SNX10: variants seen among roughly 807,000 people sequenced by gnomAD.
SNX10 encodes sorting nexin 10.
In SNX10, 25 loss-of-function variants were observed where a neutral mutation model predicts 28.5. That is an observed-to-expected ratio of 0.88 (90% CI 0.64 to 1.22). The LOEUF is 1.22. Ranked by LOEUF, SNX10 falls within the 50% of genes most tolerant of loss-of-function variation. The probability of loss-of-function intolerance (pLI) is 0.00; values close to 1 mark genes in which losing one functional copy is unlikely to be tolerated. For synonymous variants in SNX10, 62 were observed against 81.4 expected (o/e 0.76, Z 1.28); for missense variants, 223 against 242.6 (o/e 0.92, Z 0.54).
In SNX10 at chr7:26,350,285, G is replaced by C. The variant is rs1303641559; in HGVS notation, c.24+3819G>C. Among the ~76,000 whole-genome samples, 3 of 152,140 alleles carry C rather than the reference G, an allele frequency of 2.0e-5. No individual in the cohort carries two copies. The East Asian group carries it at 5.8e-4, about 29-fold the overall frequency. ...GCAGGGAATATCCTGAGTAGGACAGGCCGAAGTGGGCCCCAGAGAGTTGCA... is the reference window on the plus strand; with the variant it reads ...GCAGGGAATATCCTGAGTAGGACAGCCCGAAGTGGGCCCCAGAGAGTTGCA... On this transcript the variant is annotated intron_variant, in intron 2 of 6. Coordinates refer to ENST00000338523, the MANE Select transcript of SNX10 (RefSeq NM_013322.3).
intron 1 of SNX10, among the ~76,000 whole-genome samples, chr7:26,297,831 G>T (rs1000235413): frequency 6.6e-6 from 1 of 152,002 alleles, no homozygotes; most frequent in Non-Finnish European, 1.5e-5. Flanking sequence ...GTTGCTTTAT[G>T]TGCCTTAGTA....
intron 1 of SNX10, among the ~76,000 whole-genome samples, chr7:26,326,378 C>G (rs1787503969): frequency 6.6e-6 from 1 of 152,204 alleles, no homozygotes; most frequent in African/African-American, 2.4e-5. Flanking sequence ...TATCATTTCT[C>G]TAGAGCCTCA....
chr7:26,341,096 G>A (rs1788159965), intron 1 of SNX10, among the ~76,000 whole-genome samples: 1 of 152,140 alleles, frequency 6.6e-6, no homozygotes, highest in African/African-American at 2.4e-5. Flanking sequence ...CCAGGAGTTC[G>A]AGACCAGCCT....
chr7:26,345,399 C>T (rs1014727221), intron 1 of SNX10, among the ~76,000 whole-genome samples: 10 of 152,294 alleles, frequency 6.6e-5, no homozygotes, highest in African/African-American at 2.4e-4. Flanking sequence ...CCCTGCTCTC[C>T]CATTCCCTCT....
At chr7:26,332,578 C>A (rs1787787320) in intron 1 of SNX10, among the ~76,000 whole-genome samples, 1 of 152,222 alleles carries the variant, frequency 6.6e-6, no homozygotes, top group South Asian at 2.1e-4. Context: ...TTTATGAAGC[C>A]TAATTTACCT....
chr7:26,338,526 C>T (rs1326412789), intron 1 of SNX10, among the ~76,000 whole-genome samples: 2 of 152,106 alleles, frequency 1.3e-5, no homozygotes, highest in Non-Finnish European at 2.9e-5. Context: ...GTCAGCCTCC[C>T]GAGTAGCTGG....
At chr7:26,367,314 C>T (rs981563256) in intron 5 of SNX10, among the ~76,000 whole-genome samples, 3 of 152,160 alleles carry the variant, frequency 2.0e-5, no homozygotes, top group African/African-American at 7.2e-5. Flanking sequence ...AGGGGGAGCA[C>T]TGTGTACACA....
chr7:26,307,680 CT>C (rs34096499), intron 1 of SNX10, among the ~76,000 whole-genome samples: 26,899 of 143,678 alleles, frequency 0.19, 5,699 homozygotes, highest in African/African-American at 0.51. Flanking sequence ...GGCTAGCATT[CT>C]TTTTTTTTTT....
chr7:26,372,263 C>T, intron 6 of SNX10: 3 of 587,644 alleles, frequency 5.1e-6, no homozygotes. Flanking sequence ...CAATTATTTG[C>T]ATTCTGATTA....
In SNX10 at chr7:26,364,690, A is replaced by G. The variant is rs1227883046; in HGVS notation, c.212+55A>G. On this transcript the variant is annotated intron_variant, in intron 4 of 6. Transcript: ENST00000338523. The surrounding 1 kb of genome is among the most constrained non-coding windows in gnomAD (Gnocchi z 4.9). ...TTTGTCATTATATTCAGTATTTAAA[A>G]TTGACGTTCATTAAGATATATAAGA... The G allele has an allele frequency of 8.0e-7, 1 of 1,250,076 alleles. No individual in the cohort carries two copies. 77.4% of individuals were successfully genotyped at this position (1,250,076 alleles called of 1,614,324 possible).
Position 26,298,145 on chromosome 7 carries a change from T to C in SNX10, c.-24+6059T>C, listed in dbSNP as rs372921919. On this transcript the variant is annotated intron_variant, in intron 1 of 6. Coordinates refer to ENST00000338523, the MANE Select transcript of SNX10 (RefSeq NM_013322.3). ...ACTGAGGCAAGAGAATCACTTGAAC[T>C]CGGGAGGTGGAGGTTGCATGAGCCG... Among the ~76,000 whole-genome samples the C allele has an allele frequency of 4.7e-5, 7 of 148,470 alleles. No homozygotes were observed. The East Asian group carries it at 1.4e-3, about 30-fold the overall frequency.
At chr7:26,371,013 A>G (rs1282682568) in intron 5 of SNX10, among the ~76,000 whole-genome samples, 1 of 152,200 alleles carries the variant, frequency 6.6e-6, no homozygotes, top group African/African-American at 2.4e-5. Flanking sequence ...ACATTCACTA[A>G]TATGAATTTG....
intron 1 of SNX10, among the ~76,000 whole-genome samples, chr7:26,323,882 G>T (rs968599658): frequency 6.6e-6 from 1 of 152,186 alleles, no homozygotes; most frequent in African/African-American, 2.4e-5. Context: ...ACCTGCCATG[G>T]TGCCTGAAGC....
chr7:26,325,031 G>A (rs1787446497), intron 1 of SNX10, among the ~76,000 whole-genome samples: 1 of 151,660 alleles, frequency 6.6e-6, no homozygotes, highest in South Asian at 2.1e-4. Flanking sequence ...TCAGAGGTTG[G>A]GGATAATCCA....
At chr7:26,308,689 G>A (rs751253472) in intron 1 of SNX10, among the ~76,000 whole-genome samples, 4 of 152,086 alleles carry the variant, frequency 2.6e-5, no homozygotes, top group Non-Finnish European at 4.4e-5. Flanking sequence ...TTTGTGAGCC[G>A]CTCTAGCAAA....
At chr7:26,338,584 G>A (rs1788038212) in intron 1 of SNX10, among the ~76,000 whole-genome samples, 1 of 152,140 alleles carries the variant, frequency 6.6e-6, no homozygotes, top group South Asian at 2.1e-4. Context: ...TGTATTTTTA[G>A]TAGAGACGGG....
At chr7:26,296,036 G>C (rs960343063) in intron 1 of SNX10, among the ~76,000 whole-genome samples, 4 of 152,214 alleles carry the variant, frequency 2.6e-5, no homozygotes, top group African/African-American at 9.7e-5. Flanking sequence ...TTAAGAGGCT[G>C]AGGTGGGAGG....
intron 1 of SNX10, among the ~76,000 whole-genome samples, chr7:26,299,650 T>C (rs1015692060): frequency 1.3e-5 from 2 of 150,832 alleles, no homozygotes; most frequent in Non-Finnish European, 3.0e-5. Flanking sequence ...GGTCTCGAAC[T>C]CGTGACCTCG....
intron 1 of SNX10, among the ~76,000 whole-genome samples, chr7:26,305,483 C>T (rs1470995665): frequency 6.6e-6 from 1 of 152,202 alleles, no homozygotes; most frequent in African/African-American, 2.4e-5. Context: ...GCTCTTCCTG[C>T]TGCCCCCGAA....
Sources: gnomAD v4.1 joint callset for allele counts (sites outside exome capture counted in the v4.1 genomes callset) on GRCh38, gnomAD v4.1.1 for gene constraint, Gnocchi (gnomAD v3.1) non-coding constraint, MANE v1.5 for transcripts, NCBI Gene and HGNC (gene_info 2026-07-23, HGNC 2026-07-21) for gene names.